NELL2: variants seen among roughly 807,000 people sequenced by gnomAD.
The protein encoded by NELL2 is protein kinase C-binding protein NELL2.
NELL2 carries 41 observed loss-of-function variants against 109.6 expected under a neutral mutation model. The ratio of observed to expected loss-of-function variants is 0.37; its 90% CI spans 0.29 to 0.49. NELL2 has a LOEUF of 0.49. NELL2 is among the 20% of genes least tolerant of loss of function. The pLI, the probability that NELL2 is intolerant of heterozygous loss-of-function variation, is 0.98. For synonymous variants in NELL2, 355 were observed against 344.7 expected (o/e 1.03, Z -0.33); for missense variants, 900 against 1,008.3 (o/e 0.89, Z 1.45).
At chr12:44,547,408 G>C (rs1009387888) in intron 15 of NELL2, among the ~76,000 whole-genome samples, 2 of 152,156 alleles carry the variant, frequency 1.3e-5, no homozygotes, top group African/African-American at 4.8e-5. Context: ...ATGGAAAAAT[G>C]CTTGCGATAA....
At chr12:44,714,614 A>C (rs74497791) in intron 10 of NELL2, 36 bp downstream of exon 10, 99,050 of 1,324,930 alleles carry the variant, frequency 0.075, 4,332 homozygotes, top group Non-Finnish European at 0.089. Flanking sequence ...TTATAAATAG[A>C]AACAATTTTG....
At chr12:44,851,338 G>T (rs61656468) in intron 2 of NELL2, among the ~76,000 whole-genome samples, 2,362 of 152,070 alleles carry the variant, frequency 0.016, 58 homozygotes, top group African/African-American at 0.053. Context: ...ACTTCAGGAA[G>T]AATTTGCTAC....
intron 12 of NELL2, among the ~76,000 whole-genome samples, chr12:44,669,317 A>C (rs542583576): frequency 6.6e-6 from 1 of 152,332 alleles, no homozygotes; most frequent in East Asian, 1.9e-4. Flanking sequence ...TATCAACATA[A>C]AGACATAAGA....
At chr12:44,659,517 C>T (rs1041983164) in intron 13 of NELL2, among the ~76,000 whole-genome samples, 13 of 152,072 alleles carry the variant, frequency 8.5e-5, no homozygotes, top group African/African-American at 3.1e-4. Flanking sequence ...AAGCAAACAA[C>T]TCCATCAAAA....
chr12:44,602,540 C>CAGAT (rs1286587821), intron 15 of NELL2, among the ~76,000 whole-genome samples: 1 of 152,096 alleles, frequency 6.6e-6, no homozygotes, highest in East Asian at 1.9e-4. Context: ...ATTGGAAAAG[C>CAGAT]AGATGTATCT....
intron 9 of NELL2, among the ~76,000 whole-genome samples, chr12:44,725,097 C>A (rs1156679260): frequency 6.6e-6 from 1 of 152,110 alleles, no homozygotes; most frequent in Non-Finnish European, 1.5e-5. Flanking sequence ...CCCTTCCTTA[C>A]ACCATGTACA....
intron 2 of NELL2, among the ~76,000 whole-genome samples, chr12:44,863,024 A>G (rs1479581518): frequency 6.6e-6 from 1 of 152,162 alleles, no homozygotes; most frequent in East Asian, 1.9e-4. Context: ...TACACGTGCC[A>G]TGGTGGTTTG....
At position 44,887,564 on chromosome 12, in the gene NELL2, C is replaced by A. The variant is rs1051053332; in HGVS notation, c.39-11664G>T. 1.5e-4 allele frequency among the ~76,000 whole-genome samples: 22 copies of A among 151,390 alleles called. 1 individual carries two copies. Among genetic ancestry groups the A allele is most frequent in the African/African-American group, 5.4e-4 (22 of 40,982 alleles). ...ATATACCTATTGGTCATGTGTGTGT[C>A]TTCTTTTGAGAAATGTCTGTTCAGA... is the stretch of plus-strand genomic sequence containing the variant. On this transcript the variant is annotated intron_variant, in intron 1 of 20. Coordinates refer to the NELL2 transcript ENST00000333837.
chr12:44,730,117 A>T (rs973336000), intron 9 of NELL2, among the ~76,000 whole-genome samples: 2 of 152,246 alleles, frequency 1.3e-5, no homozygotes, highest in Admixed American at 6.5e-5. Context: ...TATACCCAAC[A>T]TCAGAGCACC....
intron 11 of NELL2, among the ~76,000 whole-genome samples, chr12:44,708,966 A>G (rs1717533213): frequency 6.6e-6 from 1 of 152,164 alleles, no homozygotes; most frequent in Non-Finnish European, 1.5e-5. Flanking sequence ...CTTGCTTTTC[A>G]TAATATATTA....
At chr12:44,630,335 T>C (rs1013973204) in intron 13 of NELL2, among the ~76,000 whole-genome samples, 57 of 152,244 alleles carry the variant, frequency 3.7e-4, no homozygotes, top group African/African-American at 1.4e-3. Flanking sequence ...TGAAAAGGGG[T>C]GAAAAAATTT....
At chr12:44,537,811 C>T (rs1245759449) in intron 15 of NELL2, among the ~76,000 whole-genome samples, 1 of 152,038 alleles carries the variant, frequency 6.6e-6, no homozygotes, top group East Asian at 1.9e-4. Context: ...CATTACATTA[C>T]TTTAAATGAC....
intron 3 of NELL2, among the ~76,000 whole-genome samples, chr12:44,797,870 C>T (rs984118620): frequency 2.5e-4 from 31 of 125,416 alleles, no homozygotes; most frequent in Non-Finnish European, 4.8e-4. Context: ...CCATTCCATC[C>T]TAGATGGAAT....
chr12:44,568,130 G>C (rs903258392), intron 15 of NELL2, among the ~76,000 whole-genome samples: 3 of 151,980 alleles, frequency 2.0e-5, no homozygotes, highest in African/African-American at 7.2e-5. Context: ...ATGAGACAAA[G>C]GTTGAAAAAA....
At chr12:44,586,689 A>C (rs751580343) in intron 15 of NELL2, among the ~76,000 whole-genome samples, 8 of 152,200 alleles carry the variant, frequency 5.3e-5, no homozygotes, top group Non-Finnish European at 8.8e-5. Context: ...TTGCTATGCC[A>C]AGTACAATAA....
chr12:44,684,697 G>A (rs1162918499), intron 12 of NELL2, among the ~76,000 whole-genome samples: 1 of 152,134 alleles, frequency 6.6e-6, no homozygotes, highest in Admixed American at 6.5e-5. Flanking sequence ...TTCCGGAGCA[G>A]GTTGTTCAGT....
chr12:44,771,749 A>T (rs1217175797), intron 9 of NELL2, among the ~76,000 whole-genome samples: 1 of 152,232 alleles, frequency 6.6e-6, no homozygotes, highest in Non-Finnish European at 1.5e-5. Flanking sequence ...AACAACAACC[A>T]TCTTGCTATT....
chr12:44,532,582 T>C lies in NELL2; in HGVS notation c.1803A>G (p.Glu601=). 6.2e-7 allele frequency: 1 copy of C among 1,613,156 alleles called. No individual in the cohort carries two copies. Among genetic ancestry groups the C allele is most frequent in the South Asian group, 1.1e-5 (1 of 90,936 alleles). ...GMFSPSGESC[E]DIDECGTGRH... ...TCTAGGTCTTCTCCTTGTACTGACC[T>C]TCACACGATTCTCCACTTGGTGAAA... The change falls in exon 16 of 20, where the codon GAA becomes GAG. Residue 601 remains glutamate, a splice_region_variant and synonymous_variant. Transcript: ENST00000429094.
rs985892300 is a variant in NELL2 at position 44,524,475 on chromosome 12, G to A, written c.1805-991C>T. 2.6e-5 allele frequency among the ~76,000 whole-genome samples: 4 copies of A among 152,286 alleles called. No homozygotes were observed. In the East Asian group the frequency reaches 7.7e-4, roughly 29 times the overall value. The stretch of plus-strand genomic sequence containing the variant: ...AGAAGTGGGTTAGAGACAAGATGGA[G>A]TGTATAGCTTTTAACTAGGGCGCTG... On this transcript the variant is annotated intron_variant, in intron 16 of 19. Transcript: ENST00000429094.
Sources: gnomAD v4.1 joint callset for allele counts (sites outside exome capture counted in the v4.1 genomes callset) on GRCh38, gnomAD v4.1.1 for gene constraint, MANE v1.5 for transcripts, NCBI Gene and HGNC (gene_info 2026-07-23, HGNC 2026-07-21) for gene names.